The following MAPK4 variants were observed in gnomAD, a reference collection of about 807,000 sequenced individuals.
MAPK4 encodes mitogen-activated protein kinase 4.
Under a neutral mutation model 47.7 loss-of-function variants are expected in MAPK4, and 22 were observed. The observed-to-expected ratio is 0.46, with a 90% CI of 0.33 to 0.66. MAPK4 has a LOEUF of 0.66. MAPK4 is among the 30% of genes least tolerant of loss of function. The pLI is 0.02. For missense variants in MAPK4, 736 were observed against 831.7 expected (o/e 0.88, Z 1.42); for synonymous variants, 390 against 365.7 (o/e 1.07, Z -0.76).
chr18:50,637,411 C>A (rs890156469), intron 1 of MAPK4, among the ~76,000 whole-genome samples: 1 of 152,224 alleles, frequency 6.6e-6, no homozygotes. Context: ...GCCACTGAGC[C>A]AGGAAATGGC....
intron 1 of MAPK4, among the ~76,000 whole-genome samples, chr18:50,607,601 A>G (rs527309092): frequency 6.6e-6 from 1 of 152,284 alleles, no homozygotes; most frequent in Admixed American, 6.5e-5. Context: ...TGGAGGGACG[A>G]ATTGGGTTAC....
chr18:50,563,890 C>T (rs187003394), intron 1 of MAPK4, among the ~76,000 whole-genome samples: 1 of 152,158 alleles, frequency 6.6e-6, no homozygotes, highest in African/African-American at 2.4e-5. Flanking sequence ...GAATGTAGGT[C>T]ACTGTGTTCT....
intron 5 of MAPK4, among the ~76,000 whole-genome samples, chr18:50,726,538 A>C (rs1251972286): frequency 6.6e-6 from 1 of 152,124 alleles, no homozygotes; most frequent in Admixed American, 6.5e-5. Context: ...AAGGCGAGGC[A>C]AAAAAACAAA....
intron 1 of MAPK4, among the ~76,000 whole-genome samples, chr18:50,652,458 C>A (rs1415243055): frequency 2.0e-5 from 3 of 152,022 alleles, no homozygotes; most frequent in Non-Finnish European, 4.4e-5. Context: ...GGAAGGAAGT[C>A]AAGAACTCTA....
chr18:50,624,013 A>C (rs1040371474), intron 1 of MAPK4, among the ~76,000 whole-genome samples: 3 of 152,216 alleles, frequency 2.0e-5, no homozygotes, highest in Non-Finnish European at 4.4e-5. Context: ...TTCTTTTCAG[A>C]GACACCTTCT....
intron 1 of MAPK4, among the ~76,000 whole-genome samples, chr18:50,618,618 T>C (rs945048714): frequency 6.6e-6 from 1 of 152,228 alleles, no homozygotes; most frequent in Non-Finnish European, 1.5e-5. Context: ...CTTTACTACA[T>C]TTCCCTTGGC....
At position 50,730,196 on chromosome 18, in the gene MAPK4, C is replaced by G. The variant is rs914897101; in HGVS notation, c.*342C>G. 1 of 199,834 alleles carries G rather than the reference C, an allele frequency of 5.0e-6. No homozygotes were observed. Among genetic ancestry groups the G allele is most frequent in the Non-Finnish European group, 1.0e-5 (1 of 99,016 alleles). The allele number at this position is 199,834 out of a possible 1,614,324, so 12.4% of individuals were successfully genotyped here. A position where few individuals can be genotyped will look rare whatever the true frequency, so the allele number is the denominator to read the frequency against. ...CCGAGAAATCTTGCAGAGGTAGCTC[C>G]GAAACCATCTGGCCCAACTAGCCTC... On this transcript the variant is annotated 3_prime_UTR_variant, in exon 6 of 6. Transcript: ENST00000400384.
intron 1 of MAPK4, among the ~76,000 whole-genome samples, chr18:50,637,556 C>T (rs575192333): frequency 4.6e-5 from 7 of 152,354 alleles, no homozygotes; most frequent in African/African-American, 1.7e-4. Context: ...AGCAGTGTGG[C>T]CCCAGCCAGG....
intron 3 of MAPK4, among the ~76,000 whole-genome samples, chr18:50,716,762 G>T (rs1338903280): frequency 2.0e-5 from 3 of 152,014 alleles, no homozygotes; most frequent in Non-Finnish European, 4.4e-5. Flanking sequence ...CAGCCTCCCT[G>T]TGAGTGCTCT....
rs574733001 is a variant in MAPK4 at position 50,650,424 on chromosome 18, A to G, written c.-870-12665A>G. Among the ~76,000 whole-genome samples the G allele has an allele frequency of 5.4e-5, 8 of 149,378 alleles. No individual in the cohort carries two copies. The Admixed American group carries it at 5.4e-4, about 10-fold the overall frequency. On this transcript the variant is annotated intron_variant, in intron 1 of 5. Coordinates refer to ENST00000400384, the MANE Select transcript of MAPK4 (RefSeq NM_002747.4). ...GGCCTGCACCCTGGCTCATATCATCAGGATCCTGAGTGTTTTGTTTCCCAC... is the reference window on the plus strand; with the variant it reads ...GGCCTGCACCCTGGCTCATATCATCGGGATCCTGAGTGTTTTGTTTCCCAC...
intron 1 of MAPK4, among the ~76,000 whole-genome samples, chr18:50,604,731 G>C (rs1254777824): frequency 6.6e-6 from 1 of 152,230 alleles, no homozygotes; most frequent in East Asian, 1.9e-4. Context: ...ATGAGGGAAA[G>C]AGCATGGGTA....
intron 1 of MAPK4, among the ~76,000 whole-genome samples, chr18:50,601,048 A>G (rs1390076416): frequency 6.6e-6 from 1 of 150,806 alleles, no homozygotes; most frequent in Non-Finnish European, 1.5e-5. Context: ...ACTTGAGCCC[A>G]GGGATTTGCA....
At chr18:50,640,112 C>T (rs567607857) in intron 1 of MAPK4, among the ~76,000 whole-genome samples, 6 of 152,340 alleles carry the variant, frequency 3.9e-5, no homozygotes, top group South Asian at 2.1e-4. Context: ...TACACACATA[C>T]GTGATCTTTA....
At chr18:50,643,911 A>T (rs910521020) in intron 1 of MAPK4, among the ~76,000 whole-genome samples, 2 of 151,966 alleles carry the variant, frequency 1.3e-5, no homozygotes, top group African/African-American at 4.8e-5. Context: ...ATGTCTTAAC[A>T]TCCCTTGTCC....
At chr18:50,625,275 A>G (rs1331876487) in intron 1 of MAPK4, among the ~76,000 whole-genome samples, 1 of 152,190 alleles carries the variant, frequency 6.6e-6, no homozygotes, top group Non-Finnish European at 1.5e-5. Context: ...CCATCACCCC[A>G]GGAGACCGAG....
chr18:50,701,621 G>A (rs538198183), intron 2 of MAPK4, among the ~76,000 whole-genome samples: 169 of 152,252 alleles, frequency 1.1e-3, no homozygotes, highest in African/African-American at 3.9e-3. Context: ...ATCAACTCAT[G>A]AGGTCCTCAT....
chr18:50,649,569 C>A (rs2043026443), intron 1 of MAPK4, among the ~76,000 whole-genome samples: 1 of 152,184 alleles, frequency 6.6e-6, no homozygotes, highest in South Asian at 2.1e-4. Context: ...CAGCCTTTAC[C>A]TCTTCGTGTG....
chr18:50,603,093 C>A (rs1402035210), intron 1 of MAPK4, among the ~76,000 whole-genome samples: 1 of 152,108 alleles, frequency 6.6e-6, no homozygotes, highest in Non-Finnish European at 1.5e-5. Context: ...CTCCACTAAT[C>A]TGGAGGTTAC....
chr18:50,563,244 C>T (rs902781286), intron 1 of MAPK4, among the ~76,000 whole-genome samples: 19 of 152,128 alleles, frequency 1.2e-4, no homozygotes, highest in South Asian at 2.1e-4. Context: ...ACGGGCTTTG[C>T]AAGATGAAAT....
Sources: allele counts gnomAD v4.1 joint callset (sites outside exome capture counted in the v4.1 genomes callset), GRCh38; gene constraint gnomAD v4.1.1; transcripts MANE v1.5; gene names NCBI Gene and HGNC (gene_info 2026-07-23, HGNC 2026-07-21).